The following PDLIM5 variants were observed in gnomAD, a reference collection of about 807,000 sequenced individuals.
PDLIM5 encodes the protein PDZ and LIM domain 5, also known as PDZ and LIM domain protein 5.
In PDLIM5, 34 loss-of-function variants were observed where a neutral mutation model predicts 64.2. That is an observed-to-expected ratio of 0.53 (90% CI 0.40 to 0.71). The LOEUF (loss-of-function observed/expected upper bound fraction) is 0.71. PDLIM5 is among the 30% of genes least tolerant of loss of function. The probability of loss-of-function intolerance (pLI) is 0.00; values close to 1 mark genes in which losing one functional copy is unlikely to be tolerated. For synonymous variants in PDLIM5, 253 were observed against 269.1 expected, an observed-to-expected ratio of 0.94 and a Z score of 0.59; for missense variants, 683 against 733.6, an observed-to-expected ratio of 0.93 and a Z score of 0.80.
intron 2 of PDLIM5, among the ~76,000 whole-genome samples, chr4:94,484,935 G>A (rs1362382807): frequency 2.6e-5 from 4 of 152,176 alleles, no homozygotes; most frequent in African/African-American, 9.7e-5. Context: ...GAGCGTCTAT[G>A]TTGGAGTAAT....
intron 3 of PDLIM5, among the ~76,000 whole-genome samples, chr4:94,524,659 T>A (rs1330211295): frequency 6.6e-6 from 1 of 152,122 alleles, no homozygotes; most frequent in Non-Finnish European, 1.5e-5. Flanking sequence ...TAATTAATCA[T>A]CACATTGTTT....
At chr4:94,637,436 G>A (rs765285837) in intron 8 of PDLIM5, among the ~76,000 whole-genome samples, 35 of 152,140 alleles carry the variant, frequency 2.3e-4, no homozygotes, top group Non-Finnish European at 4.6e-4. Context: ...GCAGCCACCT[G>A]TAATCCCAAC....
intron 11 of PDLIM5, among the ~76,000 whole-genome samples, chr4:94,657,828 T>C (rs1742330393): frequency 6.6e-6 from 1 of 152,042 alleles, no homozygotes; most frequent in Non-Finnish European, 1.5e-5. Flanking sequence ...TGCCTCAGCC[T>C]CCCGAATAGC....
chr4:94,538,276 C>T (rs1731485152), intron 3 of PDLIM5, among the ~76,000 whole-genome samples: 1 of 144,636 alleles, frequency 6.9e-6, no homozygotes, highest in South Asian at 2.1e-4. Context: ...AATTACAATG[C>T]ATGGTTAAGT....
rs558556833 is a variant in PDLIM5 at position 94,492,079 on chromosome 4, G to A, written c.97-31645G>A. On this transcript the variant is annotated intron_variant, in intron 2 of 12. Transcript: ENST00000317968. The stretch of plus-strand genomic sequence containing the variant: ...CAATGTCCTCCTTTAAAAGTAATTT[G>A]TATAATAGTCAATGCTGATACACTT... Among the ~76,000 whole-genome samples the A allele has an allele frequency of 5.3e-5, 8 of 150,664 alleles. No individual in the cohort carries two copies. The East Asian group carries it at 9.7e-4, about 18-fold the overall frequency.
At chr4:94,460,247 A>G (rs1723755430) in intron 2 of PDLIM5, among the ~76,000 whole-genome samples, 1 of 152,332 alleles carries the variant, frequency 6.6e-6, no homozygotes, top group East Asian at 1.9e-4. Flanking sequence ...AATGTCAGGA[A>G]TCTCAATGTA....
chr4:94,660,172 A>G lies in PDLIM5; in HGVS notation c.1586-2250A>G, dbSNP rs534509390. ...CTCGGCCTCCCAAAGTGCTGGGATT[A>G]CAGGTGTGAGCCACCGCGCCCGGCC... On this transcript the variant is annotated intron_variant, in intron 11 of 12. Coordinates refer to ENST00000317968, the MANE Select transcript of PDLIM5 (RefSeq NM_006457.5). Among the ~76,000 whole-genome samples, 5 of 152,278 alleles carry G rather than the reference A, an allele frequency of 3.3e-5. No homozygotes were observed. The South Asian group carries it at 6.2e-4, about 19-fold the overall frequency.
chr4:94,496,119 TAC>T (rs1488793657), intron 2 of PDLIM5, among the ~76,000 whole-genome samples: 6 of 152,022 alleles, frequency 3.9e-5, no homozygotes, highest in Middle Eastern at 3.2e-3. Context: ...ACCCTAGGCT[TAC>T]AGATTTGTTC....
chr4:94,523,012 G>A (rs1337062298), intron 2 of PDLIM5, among the ~76,000 whole-genome samples: 2 of 152,064 alleles, frequency 1.3e-5, no homozygotes, highest in Admixed American at 6.6e-5. Flanking sequence ...ATATACACAC[G>A]AAATTTGAAG....
chr4:94,559,915 AACTTAATAGTTGGAAGC>A (rs1733691698), intron 3 of PDLIM5, among the ~76,000 whole-genome samples: 1 of 152,192 alleles, frequency 6.6e-6, no homozygotes, highest in African/African-American at 2.4e-5. Context: ...TTATTCATAG[AACTTAATAGTTGGAAGC>A]ACTTGTAGAG....
intron 2 of PDLIM5, among the ~76,000 whole-genome samples, chr4:94,469,568 G>T (rs756177733): frequency 5.3e-5 from 8 of 152,116 alleles, no homozygotes; most frequent in Non-Finnish European, 8.8e-5. Context: ...AGTATGTCCA[G>T]TGCCAGGGTG....
At chr4:94,659,486 A>ATATG (rs1491337164) in intron 11 of PDLIM5, among the ~76,000 whole-genome samples, 1 of 113,322 alleles carries the variant, frequency 8.8e-6, no homozygotes, top group African/African-American at 3.6e-5. Context: ...TGTAGTATAT[A>ATATG]TGTGTGTATG....
At chr4:94,660,034 T>C (rs1376285754) in intron 11 of PDLIM5, among the ~76,000 whole-genome samples, 9 of 151,880 alleles carry the variant, frequency 5.9e-5, no homozygotes, top group Admixed American at 5.9e-4. Context: ...TGGCTGGGAT[T>C]ACAGGCACCT....
intron 2 of PDLIM5, among the ~76,000 whole-genome samples, chr4:94,489,935 T>C (rs1444285415): frequency 2.6e-5 from 4 of 152,060 alleles, no homozygotes; most frequent in African/African-American, 7.2e-5. Flanking sequence ...TTAATATATA[T>C]CATGGGTATG....
In PDLIM5 at chr4:94,575,981, G is replaced by C; in HGVS notation, c.657G>C (p.Glu219Asp). 1 of 1,614,162 alleles carries C rather than the reference G, an allele frequency of 6.2e-7. No homozygotes were observed. The highest frequency in any genetic ancestry group is 1.1e-5 in the South Asian group (1 of 91,082). Residue 219 changes from glutamate (E) to aspartate (D), a missense_variant, in exon 5 of 13, where the codon GAG becomes GAC. By Grantham distance (45) the Glu-to-Asp change is conservative. Coordinates refer to ENST00000317968, the MANE Select transcript of PDLIM5 (RefSeq NM_006457.5). Reference sequence around the variant, plus strand: ...GCGTGTGTTCCGAGACTTCTCAGGAGCTAGCAGAGGGACAGAGAAGAGGAT... The same window carrying C: ...GCGTGTGTTCCGAGACTTCTCAGGACCTAGCAGAGGGACAGAGAAGAGGAT... ...VTSVCSETSQ[E>D]LAEGQRRGSQ...
At chr4:94,551,051 G>C (rs1732762357) in intron 3 of PDLIM5, among the ~76,000 whole-genome samples, 1 of 152,026 alleles carries the variant, frequency 6.6e-6, no homozygotes, top group East Asian at 1.9e-4. Context: ...AGAAAATTTT[G>C]AAGAACAAGA....
At chr4:94,655,802 G>C (rs1275703051) in intron 10 of PDLIM5, among the ~76,000 whole-genome samples, 1 of 152,194 alleles carries the variant, frequency 6.6e-6, no homozygotes, top group African/African-American at 2.4e-5. Flanking sequence ...TTGCCTTGGA[G>C]ATGGGCCAGA....
intron 12 of PDLIM5, 74 bp from the exon 13 acceptor site, chr4:94,663,904 T>A: frequency 6.7e-7 from 1 of 1,485,524 alleles, no homozygotes; most frequent in Non-Finnish European, 9.1e-7. Context: ...CACTCTCTCC[T>A]TCTCCAGCAT....
At chr4:94,507,363 T>G (rs1327448975) in intron 2 of PDLIM5, among the ~76,000 whole-genome samples, 1 of 152,138 alleles carries the variant, frequency 6.6e-6, no homozygotes, top group African/African-American at 2.4e-5. Flanking sequence ...CCAAAAGTCT[T>G]AACTTGTTCC....
Sources: allele counts gnomAD v4.1 joint callset (sites outside exome capture counted in the v4.1 genomes callset), GRCh38; gene constraint gnomAD v4.1.1; transcripts MANE v1.5; gene names NCBI Gene and HGNC (gene_info 2026-07-23, HGNC 2026-07-21).